The following FTO variants were observed in gnomAD, a reference collection of about 807,000 sequenced individuals.
FTO encodes FTO alpha-ketoglutarate dependent dioxygenase, also known as alpha-ketoglutarate-dependent dioxygenase FTO.
Under a neutral mutation model 63.9 loss-of-function variants are expected in FTO, and 47 were observed. The ratio of observed to expected loss-of-function variants is 0.74; its 90% CI spans 0.58 to 0.94. FTO has a LOEUF of 0.94. Ranked by LOEUF, FTO falls within the 40% of genes least tolerant of loss-of-function variation. The pLI is 0.00. For missense variants in FTO, 562 were observed against 618.1 expected (o/e 0.91, Z 0.96); for synonymous variants, 207 against 224.4 (o/e 0.92, Z 0.69).
chr16:54,038,919 C>G (rs1374537092), intron 8 of FTO, among the ~76,000 whole-genome samples: 1 of 152,166 alleles, frequency 6.6e-6, no homozygotes, highest in Non-Finnish European at 1.5e-5. Context: ...ACAAAATAAA[C>G]TAATACATCA....
chr16:53,927,532 A>T (rs1160104751), intron 7 of FTO, among the ~76,000 whole-genome samples: 1 of 152,216 alleles, frequency 6.6e-6, no homozygotes, highest in African/African-American at 2.4e-5. Flanking sequence ...AGATGTCCGC[A>T]GTCTACAGGG....
chr16:53,761,048 C>T (rs1334473790), intron 1 of FTO, among the ~76,000 whole-genome samples: 2 of 149,918 alleles, frequency 1.3e-5, no homozygotes, highest in Admixed American at 1.3e-4. Context: ...TCCCTTCCTC[C>T]CTCCCTCCCT....
At chr16:53,731,712 A>G (rs2076273177) in intron 1 of FTO, among the ~76,000 whole-genome samples, 2 of 148,334 alleles carry the variant, frequency 1.3e-5, no homozygotes, top group African/African-American at 2.5e-5. Flanking sequence ...CTACAGGACT[A>G]CAGGCCTGCG....
At chr16:54,090,566 A>G (rs1410386921) in intron 8 of FTO, among the ~76,000 whole-genome samples, 1 of 152,246 alleles carries the variant, frequency 6.6e-6, no homozygotes, top group African/African-American at 2.4e-5. Context: ...GTCATAAAAA[A>G]AGTTAATGGA....
intron 8 of FTO, among the ~76,000 whole-genome samples, chr16:54,082,553 A>G (rs2086174690): frequency 6.6e-6 from 1 of 152,202 alleles, no homozygotes; most frequent in African/African-American, 2.4e-5. Flanking sequence ...TTTATAACTT[A>G]TGTACTCTCA....
intron 8 of FTO, among the ~76,000 whole-genome samples, chr16:54,107,631 A>T (rs1342816825): frequency 6.7e-6 from 1 of 149,364 alleles, no homozygotes; most frequent in Non-Finnish European, 1.5e-5. Flanking sequence ...AAGGCAATGG[A>T]TGTTATAAAA....
chr16:53,778,651 G>A (rs1277512338), intron 1 of FTO, among the ~76,000 whole-genome samples: 1 of 152,112 alleles, frequency 6.6e-6, no homozygotes, highest in African/African-American at 2.4e-5. Context: ...GTTATATCTT[G>A]AAGGCCAATT....
intron 7 of FTO, among the ~76,000 whole-genome samples, chr16:53,906,379 G>A (rs1455078222): frequency 6.6e-6 from 1 of 152,216 alleles, no homozygotes; most frequent in African/African-American, 2.4e-5. Flanking sequence ...TGATTGAACG[G>A]ACGAATATAT....
intron 1 of FTO, among the ~76,000 whole-genome samples, chr16:53,740,068 G>A (rs1002647919): frequency 1.3e-5 from 2 of 152,152 alleles, no homozygotes; most frequent in African/African-American, 4.8e-5. Flanking sequence ...AAATTAGAAG[G>A]CTGTGTCTTC....
At chr16:53,800,496 T>C (rs1243705073) in intron 1 of FTO, among the ~76,000 whole-genome samples, 2 of 152,192 alleles carry the variant, frequency 1.3e-5, no homozygotes, top group African/African-American at 4.8e-5. Context: ...TGTCAGTTAG[T>C]TCAAGCTGGT....
chr16:53,990,824 C>T (rs775646896), intron 8 of FTO, among the ~76,000 whole-genome samples: 2 of 151,936 alleles, frequency 1.3e-5, no homozygotes, highest in South Asian at 2.1e-4. Flanking sequence ...CCCGCCACCA[C>T]GCCTGGCTAA....
chr16:53,836,185 C>T (rs2079287935), intron 3 of FTO, among the ~76,000 whole-genome samples: 1 of 152,192 alleles, frequency 6.6e-6, no homozygotes, highest in African/African-American at 2.4e-5. Context: ...GCCACTGCGC[C>T]TGGCCTGTCT....
rs1316629089 is a variant in FTO, at chr16:53,740,380, T to A, written c.45+36151T>A. Among the ~76,000 whole-genome samples, 3 of 152,246 alleles carry A rather than the reference T, an allele frequency of 2.0e-5. No homozygotes were observed. The East Asian group carries it at 5.8e-4, about 29-fold the overall frequency. On this transcript the variant is annotated intron_variant, in intron 1 of 8. Coordinates refer to ENST00000471389, the MANE Select transcript of FTO (RefSeq NM_001080432.3). ...CGTATATTTTGAAAACAGTTGCAAA[T>A]TAGAATTTTCTAACTTGTATCTTCA...
intron 3 of FTO, among the ~76,000 whole-genome samples, chr16:53,833,790 A>G (rs1300471744): frequency 6.6e-6 from 1 of 152,218 alleles, no homozygotes; most frequent in African/African-American, 2.4e-5. Flanking sequence ...ATGAAGTGGT[A>G]TCTCCTTGTG....
intron 3 of FTO, among the ~76,000 whole-genome samples, chr16:53,827,140 G>A (rs2079029065): frequency 6.6e-6 from 1 of 152,068 alleles, no homozygotes. Context: ...TTGTTGGGTG[G>A]CTGTGGTAGA....
intron 4 of FTO, among the ~76,000 whole-genome samples, chr16:53,854,959 C>A (rs977866603): frequency 4.6e-5 from 7 of 151,882 alleles, no homozygotes; most frequent in African/African-American, 1.5e-4. Context: ...TGATTTCTTT[C>A]ATCAGTGTTT....
At chr16:53,838,874 T>C (rs1405889053) in intron 3 of FTO, among the ~76,000 whole-genome samples, 2 of 151,966 alleles carry the variant, frequency 1.3e-5, no homozygotes, top group African/African-American at 2.4e-5. Flanking sequence ...AAATGTATGG[T>C]GATGATGAAT....
At chr16:53,810,102 T>A in intron 1 of FTO, 38 bp from the exon 2 acceptor site, 1 of 1,375,962 alleles carries the variant, frequency 7.3e-7, no homozygotes. Context: ...TTTGGGTTAT[T>A]GCATATTCAC....
chr16:53,754,274 A>G (rs2076866432), intron 1 of FTO, among the ~76,000 whole-genome samples: 2 of 152,228 alleles, frequency 1.3e-5, no homozygotes, highest in African/African-American at 4.8e-5. Flanking sequence ...TTACAAAGCT[A>G]CTTAATTACA....
Sources: gnomAD v4.1 joint callset for allele counts (sites outside exome capture counted in the v4.1 genomes callset) on GRCh38, gnomAD v4.1.1 for gene constraint, MANE v1.5 for transcripts, NCBI Gene and HGNC (gene_info 2026-07-23, HGNC 2026-07-21) for gene names.